The following THSD7B variants were observed in gnomAD, a reference collection of about 807,000 sequenced individuals.
THSD7B encodes the protein thrombospondin type-1 domain-containing protein 7B.
A neutral mutation model predicts 213.6 loss-of-function variants in THSD7B; 138 were observed. The ratio of observed to expected loss-of-function variants is 0.65; its 90% CI spans 0.56 to 0.74. The LOEUF is 0.74. Among genes scored for constraint, THSD7B ranks in the 30% least tolerant of loss-of-function variants. THSD7B has a pLI of 0.00. For missense variants in THSD7B, 1,931 were observed against 1,991.5 expected (o/e 0.97, Z 0.58); for synonymous variants, 742 against 687.0 (o/e 1.08, Z -1.25).
chr2:137,464,001 G>A (rs922472693), intron 15 of THSD7B, among the ~76,000 whole-genome samples: 2 of 152,046 alleles, frequency 1.3e-5, no homozygotes, highest in Admixed American at 1.3e-4. Flanking sequence ...AGAGTTGTAG[G>A]TCTGGGTTGT....
At chr2:137,207,061 G>A (rs1201766374) in intron 7 of THSD7B, among the ~76,000 whole-genome samples, 1 of 151,980 alleles carries the variant, frequency 6.6e-6, no homozygotes, top group Non-Finnish European at 1.5e-5. Context: ...AGGAAGAAAA[G>A]ACATTTTCAT....
At chr2:137,121,417 A>G (rs946102418) in intron 5 of THSD7B, among the ~76,000 whole-genome samples, 3 of 152,202 alleles carry the variant, frequency 2.0e-5, no homozygotes, top group Non-Finnish European at 4.4e-5. Flanking sequence ...GAGGAAGAAC[A>G]TGTGCAATGT....
intron 12 of THSD7B, among the ~76,000 whole-genome samples, chr2:137,389,279 A>T (rs1421211304): frequency 1.4e-5 from 2 of 144,906 alleles, no homozygotes; most frequent in Admixed American, 7.0e-5. Flanking sequence ...ATGATATCTC[A>T]TTGTGGTTTT....
intron 14 of THSD7B, among the ~76,000 whole-genome samples, chr2:137,434,927 C>T (rs567676801): frequency 1.3e-5 from 2 of 152,256 alleles, no homozygotes; most frequent in Non-Finnish European, 2.9e-5. Flanking sequence ...TAATCGTTTG[C>T]CAAGAGGCTC....
At chr2:137,466,303 T>A (rs1244432928) in intron 15 of THSD7B, among the ~76,000 whole-genome samples, 3 of 152,168 alleles carry the variant, frequency 2.0e-5, no homozygotes, top group Non-Finnish European at 4.4e-5. Flanking sequence ...TTTACTCTAC[T>A]GCTCAATGAG....
At chr2:136,815,150 T>A (rs1277099918) in intron 1 of THSD7B, among the ~76,000 whole-genome samples, 2 of 152,224 alleles carry the variant, frequency 1.3e-5, no homozygotes, top group African/African-American at 4.8e-5. Flanking sequence ...CCGACTCTTG[T>A]TCTAAAGGAA....
At chr2:137,629,054 A>G (rs1682691045) in intron 20 of THSD7B, among the ~76,000 whole-genome samples, 1 of 152,136 alleles carries the variant, frequency 6.6e-6, no homozygotes, top group South Asian at 2.1e-4. Flanking sequence ...TTGTGGGTGA[A>G]TCTTCACAGT....
At chr2:137,091,662 T>C (rs1687950873) in intron 3 of THSD7B, among the ~76,000 whole-genome samples, 1 of 152,098 alleles carries the variant, frequency 6.6e-6, no homozygotes, top group Non-Finnish European at 1.5e-5. Flanking sequence ...ACATGGTCTT[T>C]CCTGTGTATG....
chr2:137,166,717 C>A (rs531614285), intron 6 of THSD7B, among the ~76,000 whole-genome samples: 4 of 152,266 alleles, frequency 2.6e-5, no homozygotes, highest in Admixed American at 2.6e-4. Context: ...ATGTTACATA[C>A]CAAAAATGGG....
At chr2:137,281,303 A>G (rs1484084030) in intron 12 of THSD7B, among the ~76,000 whole-genome samples, 2 of 152,036 alleles carry the variant, frequency 1.3e-5, no homozygotes, top group Non-Finnish European at 2.9e-5. Flanking sequence ...GGGAAAAAAA[A>G]TTGAGCAAAA....
chr2:137,055,762 T>C (rs1687151208), intron 2 of THSD7B, among the ~76,000 whole-genome samples: 1 of 152,246 alleles, frequency 6.6e-6, no homozygotes, highest in South Asian at 2.1e-4. Context: ...TCAGTGCTGC[T>C]GCTTCTCTTA....
At chr2:137,454,476 A>ATC (rs1244074240) in intron 15 of THSD7B, among the ~76,000 whole-genome samples, 4 of 145,332 alleles carry the variant, frequency 2.8e-5, no homozygotes, top group Non-Finnish European at 6.0e-5. Context: ...CTATCTATCT[A>ATC]TGTGTGTGTG....
intron 2 of THSD7B, chr2:136,906,703 A>G (rs1684166791): frequency 1.3e-5 from 2 of 152,282 alleles, no homozygotes; most frequent in South Asian, 4.1e-4. Flanking sequence ...TGCATGAAGA[A>G]TGGAAGAGGA....
intron 11 of THSD7B, 66 bp downstream of exon 11, chr2:137,272,728 T>C: frequency 1.3e-6 from 2 of 1,527,572 alleles, no homozygotes; most frequent in Non-Finnish European, 1.8e-6. Context: ...TTCTTTCACA[T>C]AACATATGGT....
rs1573819908 is a variant in THSD7B, at chr2:137,095,248, C to A, written c.1199+127C>A. 6.8e-6 allele frequency: 9 copies of A among 1,328,604 alleles called. No individual in the cohort carries two copies. In the East Asian group the frequency reaches 2.0e-4, roughly 29 times the overall value. The allele number at this position is 1,328,604 out of a possible 1,614,324, so 82.3% of individuals were successfully genotyped here. On this transcript the variant is annotated intron_variant, in intron 4 of 27. Transcript: ENST00000409968. The stretch of plus-strand genomic sequence containing the variant: ...CTTCACTCAGTATACAAGTTCCATA[C>A]TTGGCAGCATAGGAGAGCGGGTTAA...
intron 17 of THSD7B, among the ~76,000 whole-genome samples, chr2:137,585,249 G>C (rs1681694258): frequency 6.6e-6 from 1 of 151,516 alleles, no homozygotes; most frequent in South Asian, 2.1e-4. Flanking sequence ...TATTAGTCTT[G>C]CTAGCACTCT....
chr2:137,100,306 C>G (rs1468238259), intron 4 of THSD7B, among the ~76,000 whole-genome samples: 1 of 152,086 alleles, frequency 6.6e-6, no homozygotes, highest in Non-Finnish European at 1.5e-5. Context: ...GTGTTAACCA[C>G]TGGAGAACTC....
chr2:137,463,120 A>G (rs1188987287), intron 15 of THSD7B, among the ~76,000 whole-genome samples: 1 of 152,096 alleles, frequency 6.6e-6, no homozygotes, highest in Non-Finnish European at 1.5e-5. Flanking sequence ...TGTTCATCAC[A>G]TTCCTTCTAC....
At position 137,394,143 on chromosome 2, in the gene THSD7B, T is replaced by A. The variant is rs1446046101; in HGVS notation, c.2501-11470T>A. Among the ~76,000 whole-genome samples the A allele has an allele frequency of 4.5e-4, 52 of 115,484 alleles. 2 individuals are homozygous for A. Among genetic ancestry groups the A allele is most frequent in the African/African-American group, 1.5e-3 (49 of 32,466 alleles). The allele number at this position is 115,484 out of a possible 152,430, so 75.8% of individuals were successfully genotyped here. ...TCACTCTGATGGTAGTTTCTTTTGC[T>A]GTGCAGAAGCTCTTTAGTTTAATTA... On this transcript the variant is annotated intron_variant, in intron 12 of 27. Coordinates refer to ENST00000409968, the MANE Select transcript of THSD7B (RefSeq NM_001316349.2).
Sources: allele counts gnomAD v4.1 joint callset (sites outside exome capture counted in the v4.1 genomes callset), GRCh38; gene constraint gnomAD v4.1.1; transcripts MANE v1.5; gene names NCBI Gene and HGNC (gene_info 2026-07-23, HGNC 2026-07-21).